The following SLC12A5 variants were observed in gnomAD, a reference collection of about 807,000 sequenced individuals.
SLC12A5 encodes the protein K-Cl cotransporter 2.
In SLC12A5, 18 loss-of-function variants were observed where a neutral mutation model predicts 124.0. That is an observed-to-expected ratio of 0.15 (90% confidence interval 0.10 to 0.22). The LOEUF (loss-of-function observed/expected upper bound fraction) is 0.22. Among genes scored for constraint, SLC12A5 ranks in the 10% least tolerant of loss-of-function variants. The probability of loss-of-function intolerance (pLI) is 1.00; values close to 1 mark genes in which losing one functional copy is unlikely to be tolerated. For synonymous variants in SLC12A5, 589 were observed against 568.0 expected (o/e 1.04, Z -0.53); for missense variants, 867 against 1,478.7 (o/e 0.59, Z 6.78).
rs902956706 is a variant in SLC12A5 at position 46,040,232 on chromosome 20, G to T, written c.613-141G>T. On this transcript the variant is annotated intron_variant, in intron 6 of 25. Coordinates refer to ENST00000243964, the MANE Select transcript of SLC12A5 (RefSeq NM_020708.5). ...CAGGACAGGCCATGCCTTCTTTAGC[G>T]ATTCTCCTATTACTGGATGTCTTTT... The T allele has an allele frequency of 3.2e-6, 4 of 1,260,988 alleles. 1 individual carries two copies. The highest frequency in any genetic ancestry group is 4.4e-6 in the Non-Finnish European group (4 of 905,408). 78.1% of individuals were successfully genotyped at this position (1,260,988 alleles called of 1,614,324 possible).
upstream of SLC12A5, among the ~76,000 whole-genome samples, chr20:46,025,283 T>C (rs1600583479): frequency 6.6e-6 from 1 of 152,252 alleles, no homozygotes; most frequent in East Asian, 1.9e-4. Context: ...TATTGGTATA[T>C]ATGTTGGATC....
At chr20:46,023,584 C>A in exon 3 of SLC12A5, 1 of 397,630 alleles carries the variant, frequency 2.5e-6, no homozygotes, top group South Asian at 1.4e-4. Context: ...AGCCTTAAGT[C>A]TGTCATTCTC....
intron 1 of SLC12A5, among the ~76,000 whole-genome samples, chr20:46,034,527 T>C (rs2084480159): frequency 6.6e-6 from 1 of 152,052 alleles, no homozygotes; most frequent in Non-Finnish European, 1.5e-5. Flanking sequence ...GCATAGGAGA[T>C]GTCAGAGGGG....
At position 46,049,670 on chromosome 20, in the gene SLC12A5, G is replaced by A; in HGVS notation, c.2061G>A (p.Val687=). The part of the protein sequence containing the change: ...LVRVDQDQNV[V]HPQLLSLTSQ... ...GTGTGGACCAAGACCAGAATGTGGT[G>A]CACCCCCAGCTGCTCTCACTGACCT... Residue 687 remains valine, a synonymous_variant, in exon 17 of 26, where the codon GTG becomes GTA. Coordinates refer to ENST00000243964, the MANE Select transcript of SLC12A5 (RefSeq NM_020708.5). 1.2e-6 allele frequency: 2 copies of A among 1,606,114 alleles called. No homozygotes were observed. Among genetic ancestry groups the A allele is most frequent in the East Asian group, 2.2e-5 (1 of 44,612 alleles).
chr20:46,050,259 G>T (rs960557248), intron 17 of SLC12A5, among the ~76,000 whole-genome samples: 3 of 152,240 alleles, frequency 2.0e-5, no homozygotes, highest in African/African-American at 7.2e-5. Context: ...AAGTCGGAAA[G>T]CTGCTTGCTG....
At chr20:46,037,109 C>G in intron 5 of SLC12A5, 146 bp from the exon 6 acceptor site, 1 of 1,249,068 alleles carries the variant, frequency 8.0e-7, no homozygotes, top group Non-Finnish European at 1.1e-6. Flanking sequence ...GCTTGGGTCT[C>G]TCACCAGTCC....
rs1215826335 is a variant in SLC12A5, at chr20:46,056,794, A to T, written c.3111-103A>T. The T allele has an allele frequency of 1.5e-6, 2 of 1,322,214 alleles. No individual in the cohort carries two copies. The highest frequency in any genetic ancestry group is 2.2e-6 in the Non-Finnish European group (2 of 919,680). The allele number at this position is 1,322,214 out of a possible 1,614,324, so 81.9% of individuals were successfully genotyped here. ...TGAAGGGTGTGGGGGCTGGCAGAGC[A>T]GGACTCAGGGCAGATGACCATGGCC... On this transcript the variant is annotated intron_variant, in intron 23 of 25. Transcript: ENST00000243964. The surrounding 1 kb of genome is among the most constrained non-coding windows in gnomAD (Gnocchi z 4.3).
rs116011534 is a variant in SLC12A5, at chr20:46,022,749, G to C, written c.49-181G>C. 674 of 398,430 alleles carry C rather than the reference G, an allele frequency of 1.7e-3. 5 individuals are homozygous for C. The highest frequency in any genetic ancestry group is 0.012 in the African/African-American group (602 of 48,722). 24.7% of individuals were successfully genotyped at this position (398,430 alleles called of 1,614,324 possible). A position where few individuals can be genotyped will look rare whatever the true frequency, so the allele number is the denominator to read the frequency against. Reference sequence around the variant, plus strand: ...CCTCGCGGGCCCTGTGCAGGGTCTTGTAATGGAAGTTACACGCAGGGCACA... The same window carrying C: ...CCTCGCGGGCCCTGTGCAGGGTCTTCTAATGGAAGTTACACGCAGGGCACA... On this transcript the variant is annotated intron_variant, in intron 1 of 2. Transcript: ENST00000413737.
chr20:46,024,760 C>T (rs530040763), upstream of SLC12A5, among the ~76,000 whole-genome samples: 41 of 152,366 alleles, frequency 2.7e-4, 1 homozygote, highest in African/African-American at 7.5e-4. Context: ...CCCTGGATTG[C>T]GGGCCACACA....
intron 11 of SLC12A5, chr20:46,044,671 A>G (rs1164990982): frequency 4.8e-6 from 2 of 418,918 alleles, no homozygotes; most frequent in Non-Finnish European, 8.7e-6. Flanking sequence ...AGGTCCTCTC[A>G]GAATCACTTT....
At chr20:46,048,271 C>T (rs1242280411) in intron 16 of SLC12A5, among the ~76,000 whole-genome samples, 186 bp downstream of exon 16, 1 of 152,158 alleles carries the variant, frequency 6.6e-6, no homozygotes. Flanking sequence ...GAGTTCCAGA[C>T]ATTTATGTGG....
intron 20 of SLC12A5, 146 bp from the exon 21 acceptor site, chr20:46,054,770 A>G: frequency 1.6e-6 from 1 of 615,530 alleles, no homozygotes. Flanking sequence ...CCTTGACAAA[A>G]TTAATGATTG....
Position 46,035,970 on chromosome 20 carries a change from G to A in SLC12A5, c.426+47G>A, listed in dbSNP as rs374358445. ...ACCACCCCCTGACAGCTGGGGCTTG[G>A]CAGAGGCCTGGGGGTGGGAGGTGGG... On this transcript the variant is annotated intron_variant, in intron 4 of 25. Coordinates refer to ENST00000243964, the MANE Select transcript of SLC12A5 (RefSeq NM_020708.5). 1.1e-5 allele frequency: 17 copies of A among 1,574,746 alleles called. No homozygotes were observed. In the South Asian group the frequency reaches 1.2e-4, roughly 11 times the overall value.
Position 46,057,296 on chromosome 20 carries a change from T to C in SLC12A5, c.3252T>C (p.Asp1084=), listed in dbSNP as rs751114001. Residue 1084 remains aspartate (D), a synonymous_variant, in exon 25 of 26, where the codon GAT becomes GAC. Transcript: ENST00000243964. This position sits in a 1 kb window ranked among gnomAD's most constrained non-coding sequence, Gnocchi z 7.1. ...MPGPPRNRNG[D]ENYMEFLEVL... ...GGCCTCCCCGCAACCGCAATGGTGA[T>C]GAAAACTGTATCCTGGAATTAAAAT... The C allele has an allele frequency of 8.1e-6, 13 of 1,614,026 alleles. No individual in the cohort carries two copies. In the East Asian group the frequency reaches 2.5e-4, roughly 30 times the overall value.
chr20:46,024,058 C>T (rs1230794037), downstream of SLC12A5, among the ~76,000 whole-genome samples: 2 of 152,124 alleles, frequency 1.3e-5, no homozygotes, highest in Non-Finnish European at 2.9e-5. Flanking sequence ...CACTACTTCG[C>T]TGGGGTCGAA....
At chr20:46,029,889 T>TGTGTGTGTGC (rs1353696590) in intron 1 of SLC12A5, among the ~76,000 whole-genome samples, 131 of 75,336 alleles carry the variant, frequency 1.7e-3, no homozygotes, top group African/African-American at 6.9e-3. Flanking sequence ...TGTGTGTGTG[T>TGTGTGTGTGC]GCGCGCGCGT....
rs996545619 is a variant in SLC12A5 at position 46,056,943 on chromosome 20, C to G, written c.3125+32C>G. 6.2e-7 allele frequency: 1 copy of G among 1,613,964 alleles called. No individual in the cohort carries two copies. Among genetic ancestry groups the G allele is most frequent in the Non-Finnish European group, 8.5e-7 (1 of 1,179,942 alleles). ...GCTTCAGCATTTTTTCATTCTCTCT[C>G]CTAGGATGGCCAGGGTCCCTACCCT... is the stretch of plus-strand genomic sequence containing the variant. On this transcript the variant is annotated intron_variant, in intron 24 of 25. Transcript: ENST00000243964. This position sits in a 1 kb window ranked among gnomAD's most constrained non-coding sequence, Gnocchi z 4.3.
upstream of SLC12A5, among the ~76,000 whole-genome samples, chr20:46,027,324 A>G (rs1448207289): frequency 1.3e-5 from 2 of 152,198 alleles, no homozygotes; most frequent in Non-Finnish European, 2.9e-5. Flanking sequence ...TGGCAGCGAT[A>G]CTTGATTGGT....
chr20:46,028,709 T>A (rs1237393639), upstream of SLC12A5, among the ~76,000 whole-genome samples: 1 of 152,092 alleles, frequency 6.6e-6, no homozygotes, highest in Non-Finnish European at 1.5e-5. Context: ...GGCTGGCCTC[T>A]CCAGTCTTGC....
Sources: gnomAD v4.1 joint callset for allele counts (sites outside exome capture counted in the v4.1 genomes callset) on GRCh38, gnomAD v4.1.1 for gene constraint, Gnocchi (gnomAD v3.1) non-coding constraint, MANE v1.5 for transcripts, NCBI Gene and HGNC (gene_info 2026-07-23, HGNC 2026-07-21) for gene names.